Variants in HIGD1C observed in about 807,000 individuals in gnomAD.
HIGD1C encodes HIG1 hypoxia inducible domain family member 1C, also known as HIG1 domain family member 1C.
Under a neutral mutation model 13.1 loss-of-function variants are expected in HIGD1C, and 11 were observed. That is an observed-to-expected ratio of 0.84 (90% CI 0.53 to 1.39). The LOEUF (loss-of-function observed/expected upper bound fraction) is 1.39. Ranked by LOEUF, HIGD1C falls within the 40% of genes most tolerant of loss-of-function variation. The pLI, the probability that HIGD1C is intolerant of heterozygous loss-of-function variation, is 0.00. For synonymous variants in HIGD1C, 36 were observed against 37.7 expected (o/e 0.95, Z 0.17); for missense variants, 110 against 112.0 (o/e 0.98, Z 0.08).
the HIGD1C span, among the ~76,000 whole-genome samples, chr12:50,941,731 C>T: frequency 6.6e-6 from 1 of 152,158 alleles, no homozygotes; most frequent in Non-Finnish European, 1.5e-5. Flanking sequence ...TTTACATCTC[C>T]CACTAAACCT....
the HIGD1C span, among the ~76,000 whole-genome samples, chr12:50,942,593 G>A: frequency 0.16 from 24,171 of 152,232 alleles, 2,071 homozygotes; most frequent in South Asian, 0.27. Context: ...TTGGCTGGGT[G>A]TAGTGGCTCA....
At chr12:50,950,765 C>T (rs1304405043), upstream of HIGD1C, among the ~76,000 whole-genome samples, 1 of 151,212 alleles carries the variant, frequency 6.6e-6, no homozygotes, top group African/African-American at 2.4e-5. Context: ...CAACCTCCGC[C>T]TCCCAGATTC....
At chr12:50,945,496 T>C in the HIGD1C span, among the ~76,000 whole-genome samples, 121 of 152,150 alleles carry the variant, frequency 8.0e-4, 1 homozygote, top group African/African-American at 2.7e-3. Context: ...TCAAAGAGAA[T>C]AAAATACCTA....
the HIGD1C span, among the ~76,000 whole-genome samples, chr12:50,943,208 T>C: frequency 6.6e-6 from 1 of 152,126 alleles, no homozygotes. Context: ...TGCAAGTATC[T>C]TGTGATCTGG....
intron 1 of HIGD1C, among the ~76,000 whole-genome samples, chr12:50,955,217 C>A (rs985104459): frequency 2.0e-5 from 3 of 152,004 alleles, no homozygotes; most frequent in Non-Finnish European, 4.4e-5. Context: ...CACTTGAACC[C>A]GGGAGGTAGA....
At chr12:50,959,181 G>A (rs545687018) in intron 1 of HIGD1C, among the ~76,000 whole-genome samples, 4 of 151,552 alleles carry the variant, frequency 2.6e-5, no homozygotes, top group East Asian at 3.9e-4. Context: ...GTGCAATGGT[G>A]CAATCTCAGC....
chr12:50,963,346 G>T (rs547372842), intron 2 of HIGD1C, among the ~76,000 whole-genome samples: 1 of 142,374 alleles, frequency 7.0e-6, no homozygotes, highest in Non-Finnish European at 1.5e-5. Flanking sequence ...CTCCAGCCTG[G>T]GTGAAAGGGC....
the HIGD1C span, among the ~76,000 whole-genome samples, chr12:50,946,645 A>G: frequency 2.3e-4 from 35 of 152,324 alleles, no homozygotes; most frequent in Admixed American, 2.1e-3. Flanking sequence ...ACTGTAAACT[A>G]GTTCAACCAT....
intron 1 of HIGD1C, among the ~76,000 whole-genome samples, chr12:50,955,595 G>A (rs148619490): frequency 4.6e-5 from 7 of 152,102 alleles, no homozygotes; most frequent in Admixed American, 1.3e-4. Context: ...AGATGTTCCC[G>A]TTAAGTGTTA....
the HIGD1C span, among the ~76,000 whole-genome samples, chr12:50,942,688 C>T: frequency 6.6e-6 from 1 of 151,854 alleles, no homozygotes. Flanking sequence ...GGCAACATGG[C>T]GAGACCTCAT....
chr12:50,939,133 T>C, the HIGD1C span, among the ~76,000 whole-genome samples: 1 of 152,166 alleles, frequency 6.6e-6, no homozygotes, highest in Non-Finnish European at 1.5e-5. Flanking sequence ...GAGGACAATC[T>C]TTCTTAACAG....
At chr12:50,969,022 C>T (rs572391454) in intron 2 of HIGD1C, among the ~76,000 whole-genome samples, 7 of 151,986 alleles carry the variant, frequency 4.6e-5, no homozygotes, top group South Asian at 2.1e-4. Flanking sequence ...TAGCTGGGCA[C>T]GGTGGCTCAC....
At chr12:50,938,381 G>A in the HIGD1C span, among the ~76,000 whole-genome samples, 2 of 152,206 alleles carry the variant, frequency 1.3e-5, no homozygotes, top group African/African-American at 2.4e-5. Context: ...ACTGGGAGTG[G>A]GTAGAGGCCA....
At chr12:50,961,070 C>T (rs764144520) in exon 2 of HIGD1C, 4 of 1,613,816 alleles carry the variant, frequency 2.5e-6, no homozygotes, top group East Asian at 2.2e-5. Context: ...AGAGTTGCTG[C>T]CCAAGGATTT....
chr12:50,948,117 C>A, the HIGD1C span, among the ~76,000 whole-genome samples: 1 of 152,186 alleles, frequency 6.6e-6, no homozygotes, highest in Non-Finnish European at 1.5e-5. Flanking sequence ...TGACACATCT[C>A]CCCATGCTAA....
Position 50,958,560 on chromosome 12 carries a change from C to T in HIGD1C, c.95-2408C>T, listed in dbSNP as rs1171949761. ...CCTCCCAAAGTGCTGGGATTACAGG[C>T]GTGAGCCACCGCGCCCGGCCTAAAA... On this transcript the variant is annotated intron_variant, in intron 1 of 2. Coordinates refer to ENST00000398455, the Ensembl canonical transcript of HIGD1C. Among the ~76,000 whole-genome samples, 6 of 151,412 alleles carry T rather than the reference C, an allele frequency of 4.0e-5. 1 individual carries two copies. Among genetic ancestry groups the T allele is most frequent in the South Asian group, 2.1e-4 (1 of 4,760 alleles).
intron 2 of HIGD1C, among the ~76,000 whole-genome samples, chr12:50,965,977 C>T (rs906553230): frequency 6.6e-6 from 1 of 152,136 alleles, no homozygotes; most frequent in African/African-American, 2.4e-5. Flanking sequence ...TTTTGTTCAC[C>T]AAACCTAGAG....
chr12:50,952,613 C>T (rs1049119631), upstream of HIGD1C, among the ~76,000 whole-genome samples: 6 of 152,186 alleles, frequency 3.9e-5, no homozygotes, highest in African/African-American at 1.2e-4. Context: ...CACACACAGG[C>T]GCAGGGACTA....
At chr12:50,962,896 G>GT (rs1939392505) in intron 2 of HIGD1C, among the ~76,000 whole-genome samples, 1 of 152,154 alleles carries the variant, frequency 6.6e-6, no homozygotes, top group Admixed American at 6.6e-5. Context: ...AGCATGGCAT[G>GT]TAAGTGGAAC....
Sources: allele counts gnomAD v4.1 joint callset (sites outside exome capture counted in the v4.1 genomes callset), GRCh38; gene constraint gnomAD v4.1.1; transcripts MANE v1.5; gene names NCBI Gene and HGNC (gene_info 2026-07-23, HGNC 2026-07-21).